The following AP1B1 variants were observed in gnomAD, a reference collection of about 807,000 sequenced individuals.
AP1B1 encodes the protein AP-1 complex subunit beta-1.
Under a neutral mutation model 104.3 loss-of-function variants are expected in AP1B1, and 36 were observed. The observed-to-expected ratio is 0.35, with a 90% CI of 0.26 to 0.46. AP1B1 has a LOEUF of 0.46. Ranked by LOEUF, AP1B1 falls within the 20% of genes least tolerant of loss-of-function variation. The probability of loss-of-function intolerance (pLI) is 1.00; values close to 1 mark genes in which losing one functional copy is unlikely to be tolerated. For missense variants in AP1B1, 901 were observed against 1,247.9 expected (o/e 0.72, Z 4.19); for synonymous variants, 504 against 517.5 (o/e 0.97, Z 0.35).
chr22:29,353,153 C>T (rs540629992), intron 7 of AP1B1, among the ~76,000 whole-genome samples: 2 of 152,120 alleles, frequency 1.3e-5, no homozygotes. Context: ...TACTCCTATG[C>T]CCTTCCAGAA....
At chr22:29,346,850 T>C (rs1279394636) in intron 11 of AP1B1, among the ~76,000 whole-genome samples, 1 of 152,066 alleles carries the variant, frequency 6.6e-6, no homozygotes, top group East Asian at 1.9e-4. Context: ...CATCTGTTGT[T>C]TTTGCTCACC....
At chr22:29,344,110 CA>C (rs58337637) in intron 11 of AP1B1, among the ~76,000 whole-genome samples, 7,463 of 89,650 alleles carry the variant, frequency 0.083, 260 homozygotes, top group African/African-American at 0.16. Context: ...GACTTTGTCT[CA>C]AAAAAAAAAA....
intron 16 of AP1B1, among the ~76,000 whole-genome samples, chr22:29,338,371 G>C (rs1282574449): frequency 6.6e-6 from 1 of 152,206 alleles, no homozygotes; most frequent in Non-Finnish European, 1.5e-5. Context: ...CAAACACCCA[G>C]ACTGTGGTTG....
intron 3 of AP1B1, among the ~76,000 whole-genome samples, chr22:29,361,038 G>C (rs564983894): frequency 6.6e-6 from 1 of 152,170 alleles, no homozygotes; most frequent in South Asian, 2.1e-4. Context: ...AGGCCGACTC[G>C]CTCTTTGGGG....
chr22:29,359,875 G>A lies in AP1B1; in HGVS notation c.228C>T (p.Tyr76=), dbSNP rs770438298. ...TGGCCATGTCAGGCTGACTCTTGGCGTAATTCATCAAGTAGAGGTATACTA... is the reference window on the plus strand; with the variant it reads ...TGGCCATGTCAGGCTGACTCTTGGCATAATTCATCAAGTAGAGGTATACTA... ...KKLVYLYLMN[Y]AKSQPDMAIM... Residue 76 remains tyrosine (Y), a synonymous_variant, in exon 4 of 23, where the codon TAC becomes TAT. Coordinates refer to ENST00000357586, the MANE Select transcript of AP1B1 (RefSeq NM_001127.4). 42 of 1,613,902 alleles carry A rather than the reference G, an allele frequency of 2.6e-5. No individual in the cohort carries two copies. Among genetic ancestry groups the A allele is most frequent in the Non-Finnish European group, 3.2e-5 (38 of 1,179,976 alleles).
intron 6 of AP1B1, among the ~76,000 whole-genome samples, chr22:29,355,844 A>G (rs1000572269): frequency 6.6e-6 from 1 of 150,702 alleles, no homozygotes; most frequent in Non-Finnish European, 1.5e-5. Flanking sequence ...AGCCTGCAGA[A>G]CAGAGACCCT....
At chr22:29,382,059 T>C (rs2062444734) in intron 1 of AP1B1, among the ~76,000 whole-genome samples, 1 of 152,052 alleles carries the variant, frequency 6.6e-6, no homozygotes, top group African/African-American at 2.4e-5. Flanking sequence ...CTATCTTTTT[T>C]GTTGTTGTTG....
intron 8 of AP1B1, chr22:29,351,496 A>G: frequency 1.2e-6 from 1 of 833,914 alleles, no homozygotes; most frequent in South Asian, 1.8e-5. Flanking sequence ...GTTGTAAGGG[A>G]TGACAGGTGA....
chr22:29,349,786 G>A (rs1277250717), intron 10 of AP1B1, among the ~76,000 whole-genome samples: 1 of 152,128 alleles, frequency 6.6e-6, no homozygotes, highest in Non-Finnish European at 1.5e-5. Flanking sequence ...AAAGTGCTGG[G>A]ATTACAGGCA....
chr22:29,339,678 G>T, intron 15 of AP1B1, 76 bp downstream of exon 15: 2 of 1,514,950 alleles, frequency 1.3e-6, no homozygotes, highest in Non-Finnish European at 1.8e-6. Flanking sequence ...ACCCGCCCCC[G>T]CCCCTTGGGA....
chr22:29,385,795 T>G (rs2062512767), intron 1 of AP1B1, among the ~76,000 whole-genome samples: 1 of 152,192 alleles, frequency 6.6e-6, no homozygotes, highest in African/African-American at 2.4e-5. Flanking sequence ...CACAGCGAAG[T>G]GCAAAACCCA....
intron 14 of AP1B1, among the ~76,000 whole-genome samples, chr22:29,340,112 A>G (rs924292602): frequency 6.6e-6 from 1 of 152,050 alleles, no homozygotes; most frequent in Admixed American, 6.5e-5. Context: ...GCCCCCACAC[A>G]TGGTCCTGCC....
Position 29,351,660 on chromosome 22 carries a change from T to A in AP1B1, c.1059+45A>T, listed in dbSNP as rs202087980. On this transcript the variant is annotated intron_variant, in intron 8 of 22. Transcript: ENST00000357586. Reference sequence around the variant, plus strand: ...AGCCTACAGTCTGGTGGTGGTGGAATGGTCCCACACTGAGCCCGTGTCCTG... The same window carrying A: ...AGCCTACAGTCTGGTGGTGGTGGAAAGGTCCCACACTGAGCCCGTGTCCTG... 3.3e-4 allele frequency: 532 copies of A among 1,604,170 alleles called. 1 individual carries two copies. The highest frequency in any genetic ancestry group is 3.8e-4 in the Non-Finnish European group (444 of 1,175,006).
rs1308378523 is a variant in AP1B1 at position 29,358,869 on chromosome 22, T to G, written c.382A>C (p.Lys128Gln). 6.2e-7 allele frequency: 1 copy of G among 1,614,046 alleles called. No individual in the cohort carries two copies. Among genetic ancestry groups the G allele is most frequent in the Non-Finnish European group, 8.5e-7 (1 of 1,180,042 alleles). Residue 128 changes from lysine (K) to glutamine (Q), a missense_variant, in exon 5 of 23, where the codon AAG becomes CAG. Transcript: ENST00000357586. ...ITEYLCEPLR[K>Q]CLKDEDPYVR... ...TATGGATCCTCGTCCTTCAGGCACT[T>G]CCGGAGTGGCTCGCACAGGTACTCT... is the stretch of plus-strand genomic sequence containing the variant.
intron 11 of AP1B1, among the ~76,000 whole-genome samples, chr22:29,345,019 A>C (rs2061770658): frequency 6.6e-6 from 1 of 152,154 alleles, no homozygotes; most frequent in Admixed American, 6.5e-5. Context: ...TTCGCCACTA[A>C]AACAAACAAA....
intron 6 of AP1B1, among the ~76,000 whole-genome samples, chr22:29,355,185 C>G (rs1392423164): frequency 6.6e-6 from 1 of 151,556 alleles, no homozygotes; most frequent in Admixed American, 6.6e-5. Context: ...TACAGTGAGC[C>G]GAGATCGCGC....
At chr22:29,336,992 T>C (rs6006096) in intron 16 of AP1B1, among the ~76,000 whole-genome samples, 8,064 of 152,174 alleles carry the variant, frequency 0.053, 394 homozygotes, top group African/African-American at 0.14. Context: ...GGGCTTCTGG[T>C]GAGTACGAGT....
rs140827257 is a variant in AP1B1 at position 29,357,271 on chromosome 22, T to C, written c.526-655A>G. 5.8e-3 allele frequency among the ~76,000 whole-genome samples: 884 copies of C among 152,248 alleles called. 9 individuals carry two copies. The highest frequency in any genetic ancestry group is 0.02 in the African/African-American group (849 of 41,544). ...TTAGTAGAGATGGGGTTTCGCCATG[T>C]TGGCCAGGCTAGTCTCAGACTCCTG... On this transcript the variant is annotated intron_variant, in intron 5 of 22. Coordinates refer to ENST00000357586, the MANE Select transcript of AP1B1 (RefSeq NM_001127.4).
chr22:29,348,230 G>T (rs1460245694), intron 11 of AP1B1, among the ~76,000 whole-genome samples: 2 of 152,214 alleles, frequency 1.3e-5, no homozygotes, highest in Non-Finnish European at 2.9e-5. Flanking sequence ...GTGCAGAACC[G>T]TGAAAGCTTT....
Sources: allele counts gnomAD v4.1 joint callset (sites outside exome capture counted in the v4.1 genomes callset), GRCh38; gene constraint gnomAD v4.1.1; transcripts MANE v1.5; gene names NCBI Gene and HGNC (gene_info 2026-07-23, HGNC 2026-07-21).